PLXND1: variants seen among roughly 807,000 people sequenced by gnomAD.
The protein encoded by PLXND1 is plexin D1.
In PLXND1, 54 loss-of-function variants were observed where a neutral mutation model predicts 197.7. The observed-to-expected ratio is 0.27, with a 90% CI of 0.22 to 0.34. PLXND1 has a LOEUF of 0.34. Ranked by LOEUF, PLXND1 falls within the 10% of genes least tolerant of loss-of-function variation. PLXND1 has a pLI of 1.00. For missense variants in PLXND1, 2,127 were observed against 2,699.2 expected (o/e 0.79, Z 4.70); for synonymous variants, 1,180 against 1,161.2 (o/e 1.02, Z -0.33).
In PLXND1 at chr3:129,556,070, ACCAGCTCTCTGG is replaced by A; in HGVS notation, c.*230_*241del. The A allele has an allele frequency of 2.0e-6, 1 of 504,200 alleles. No individual in the cohort carries two copies. Among genetic ancestry groups the A allele is most frequent in the Non-Finnish European group, 3.6e-6 (1 of 277,908 alleles). 31.2% of individuals were successfully genotyped at this position (504,200 alleles called of 1,614,324 possible). ...CGTGCTGGGCAGATGGGGGAGCCTG[ACCAGCTCTCTGG>A]CCTCCATCCCAGAGACTGATCTGGG... is the stretch of plus-strand genomic sequence containing the variant. On this transcript the variant is annotated 3_prime_UTR_variant, in exon 36 of 36. Transcript: ENST00000324093.
At chr3:129,601,273 G>A (rs2085703991) in intron 1 of PLXND1, among the ~76,000 whole-genome samples, 1 of 152,198 alleles carries the variant, frequency 6.6e-6, no homozygotes, top group Non-Finnish European at 1.5e-5. Context: ...GGGCTGCGGG[G>A]ACCGAGGTTC....
rs141599469 is a variant in PLXND1, at chr3:129,584,419, C to T, written c.1995G>A (p.Pro665=). ...GHQIAYCNLL[P]RDQFPPFPPN... The stretch of plus-strand genomic sequence containing the variant: ...GGGGGAAGGGCGGAAACTGGTCCCT[C>T]GGCAGGAGGTTGCAGTAGGCAATCT... The change falls in exon 6 of 36, where the codon CCG becomes CCA. Residue 665 remains proline (P), a synonymous_variant. Transcript: ENST00000324093. The T allele has an allele frequency of 1.1e-4, 183 of 1,613,106 alleles. No individual in the cohort carries two copies. Among genetic ancestry groups the T allele is most frequent in the Middle Eastern group, 1.6e-4 (1 of 6,084 alleles).
At chr3:129,603,516 C>T (rs900190707) in intron 1 of PLXND1, among the ~76,000 whole-genome samples, 2 of 152,208 alleles carry the variant, frequency 1.3e-5, no homozygotes, top group African/African-American at 4.8e-5. Flanking sequence ...CTGAGACCCC[C>T]AGTGCCAAAC....
chr3:129,585,560 C>T (rs561248109), intron 5 of PLXND1, among the ~76,000 whole-genome samples: 1 of 152,344 alleles, frequency 6.6e-6, no homozygotes, highest in Non-Finnish European at 1.5e-5. Context: ...ACTCACTGTC[C>T]TCCAAGCCTC....
In PLXND1 at chr3:129,573,643, C is replaced by T; in HGVS notation, c.2788G>A (p.Gly930Ser). Residue 930 changes from glycine to serine, a missense_variant, in exon 13 of 36, where the codon GGT becomes AGT. Coordinates refer to ENST00000324093, the MANE Select transcript of PLXND1 (RefSeq NM_015103.3). ...GGCAGTGGCTCACAGGCCACACCAC[C>T]AATCCACACGCCGTGGGCCACGTCA... ...LSDVAHGVWI[G>S]GVACEPLPDR... 6.2e-7 allele frequency: 1 copy of T among 1,613,594 alleles called. No homozygotes were observed. Among genetic ancestry groups the T allele is most frequent in the East Asian group, 2.2e-5 (1 of 44,864 alleles).
rs1328121954 is a variant in PLXND1 at position 129,575,471 on chromosome 3, G to A, written c.2528C>T (p.Thr843Ile). Residue 843 changes from threonine to isoleucine, a missense_variant and splice_region_variant, in exon 11 of 36, where the codon ACA (threonine) becomes ATA (isoleucine). By Grantham distance (89) the Thr-to-Ile change is moderately conservative. Around this residue, in one of 6 missense-constraint regions of PLXND1, gnomAD observed 1,095 missense variants for 1,259.8 expected, o/e 0.87. Coordinates refer to ENST00000324093, the MANE Select transcript of PLXND1 (RefSeq NM_015103.3). ...ARFLDSPEPMTVMVYNCAMGS... is the reference protein window; with the variant it reads ...ARFLDSPEPMIVMVYNCAMGS... ...GTGGGGCGGGTGGGGGTGCCCACCT[G>A]TCATGGGCTCAGGGCTGTCCAGGAA... is the stretch of plus-strand genomic sequence containing the variant. 1.3e-6 allele frequency: 2 copies of A among 1,549,146 alleles called. No individual in the cohort carries two copies. Among genetic ancestry groups the A allele is most frequent in the South Asian group, 1.2e-5 (1 of 84,044 alleles).
rs761870212 is a variant in PLXND1 at position 129,573,676 on chromosome 3, G to A, written c.2755C>T (p.Arg919Trp). ...LTIRGRNLGRRLSDVAHGVWI... is the reference protein window; with the variant it reads ...LTIRGRNLGRWLSDVAHGVWI... Reference sequence around the variant, plus strand: ...ACGCCGTGGGCCACGTCACTGAGCCGCCGGCCCAGGTTCCTTCCTCGGATG... The same window carrying A: ...ACGCCGTGGGCCACGTCACTGAGCCACCGGCCCAGGTTCCTTCCTCGGATG... Residue 919 changes from arginine (R) to tryptophan (W), a missense_variant, in exon 13 of 36, where the codon CGG (arginine) becomes TGG (tryptophan). Transcript: ENST00000324093. 3.3e-5 allele frequency: 53 copies of A among 1,613,506 alleles called. No homozygotes were observed. In the East Asian group the frequency reaches 7.6e-4, roughly 23 times the overall value.
At chr3:129,605,284 CCCGCCGCCGCCGCCGCCGCCGCCG>C in intron 1 of PLXND1, 21 bp downstream of exon 1, 2 of 783,840 alleles carry the variant, frequency 2.6e-6, no homozygotes, top group Non-Finnish European at 3.4e-6. Context: ...CGCCCCCGCC[CCCGCCGCCGCCGCCGCCGCCGCCG>C]CCGCCACCGC....
chr3:129,590,490 C>T (rs963173170), intron 1 of PLXND1, among the ~76,000 whole-genome samples: 1 of 152,144 alleles, frequency 6.6e-6, no homozygotes, highest in Admixed American at 6.5e-5. Flanking sequence ...AAAGGGGACA[C>T]ACACATGTGT....
Position 129,572,868 on chromosome 3 carries a change from T to C in PLXND1, c.2911A>G (p.Lys971Glu). The C allele has an allele frequency of 1.2e-6, 2 of 1,613,828 alleles. No individual in the cohort carries two copies. The highest frequency in any genetic ancestry group is 1.7e-6 in the Non-Finnish European group (2 of 1,179,876). ...ACGTAGGAGAAGCGGTCCCGGGACT[T>C]GCCCTCCTTAGAGGCGTTCACGGTC... is the stretch of plus-strand genomic sequence containing the variant. Reference protein sequence around the residue: ...VVTVNASKEGKSRDRFSYVLP... With the variant: ...VVTVNASKEGESRDRFSYVLP... The change falls in exon 14 of 36, where the codon AAG (lysine) becomes GAG (glutamate). Residue 971 changes from lysine to glutamate, a missense_variant. Transcript: ENST00000324093.
At position 129,576,233 on chromosome 3, in the gene PLXND1, C is replaced by T. The variant is rs189162065; in HGVS notation, c.2347-378G>A. Among the ~76,000 whole-genome samples, 6 of 152,342 alleles carry T rather than the reference C, an allele frequency of 3.9e-5. No homozygotes were observed. In the East Asian group the frequency reaches 9.6e-4, roughly 24 times the overall value. On this transcript the variant is annotated intron_variant, in intron 9 of 35. Coordinates refer to ENST00000324093, the MANE Select transcript of PLXND1 (RefSeq NM_015103.3). Reference sequence around the variant, plus strand: ...CCTGCCCTACCAGGCCCTGCTCAGACGTGCCCCAACGCCCAACACGGCCAG... The same window carrying T: ...CCTGCCCTACCAGGCCCTGCTCAGATGTGCCCCAACGCCCAACACGGCCAG...
rs1468438894 is a variant in PLXND1 at position 129,605,656 on chromosome 3, G to A, written c.984C>T (p.Gly328=). The change falls in exon 1 of 36, where the codon GGC becomes GGT. Residue 328 remains glycine, a synonymous_variant. Coordinates refer to ENST00000324093, the MANE Select transcript of PLXND1 (RefSeq NM_015103.3). The stretch of plus-strand genomic sequence containing the variant: ...ACTCGGTGAGCTTCTTGGCGTCGCC[G>A]CCGGCGCCGTGGGGCAGGCAGATGC... ...LARICLPHGA[G]GDAKKLTESY... is the part of the protein sequence containing the mutation. 6.5e-7 allele frequency: 1 copy of A among 1,536,472 alleles called. No homozygotes were observed. The highest frequency in any genetic ancestry group is 1.4e-5 in the African/African-American group (1 of 72,716).
chr3:129,563,101 T>C lies in PLXND1; in HGVS notation c.4661A>G (p.Lys1554Arg). The C allele has an allele frequency of 6.8e-6, 11 of 1,613,598 alleles. No homozygotes were observed. The highest frequency in any genetic ancestry group is 1.1e-5 in the South Asian group (1 of 91,070). Residue 1554 changes from lysine to arginine, a missense_variant, in exon 26 of 36, where the codon AAG becomes AGG. By Grantham distance (26) the Lys-to-Arg change is conservative. Around this residue, in one of 6 missense-constraint regions of PLXND1, gnomAD observed 532 missense variants for 811.0 expected, o/e 0.66. Transcript: ENST00000324093. ...CCCGCCCTGCCGACTTACCCGGGGCTTGGCCTCGATGTTCTCCCGCAGCAG... is the reference window on the plus strand; with the variant it reads ...CCCGCCCTGCCGACTTACCCGGGGCCTGGCCTCGATGTTCTCCCGCAGCAG... ...EWLLRENIEA[K>R]PRNLNVSFQG...
chr3:129,566,596 G>A lies in PLXND1; in HGVS notation c.4122C>T (p.Pro1374=), dbSNP rs1467471181. The change falls in exon 23 of 36, where the codon CCC becomes CCT. Residue 1374 remains proline (P), a synonymous_variant. Transcript: ENST00000324093. ...SSLYEERYVL[P]SQTLNSQGSS... is the part of the protein sequence containing the mutation. ...TGCCCTGGGAGTTGAGGGTCTGGGAGGGCAGCACGTAACGCTCTTCATAAA... is the reference window on the plus strand; with the variant it reads ...TGCCCTGGGAGTTGAGGGTCTGGGAAGGCAGCACGTAACGCTCTTCATAAA... The A allele has an allele frequency of 6.2e-7, 1 of 1,612,810 alleles. No homozygotes were observed. The highest frequency in any genetic ancestry group is 1.7e-5 in the Admixed American group (1 of 59,968).
chr3:129,605,261 T>TTCCCCCCC, intron 1 of PLXND1, 68 bp downstream of exon 1: 1 of 493,838 alleles, frequency 2.0e-6, no homozygotes. Context: ...CCCGCTCGGT[T>TTCCCCCCC]CCCGCCCGCC....
chr3:129,578,814 C>T (rs2085349640), intron 8 of PLXND1, among the ~76,000 whole-genome samples: 1 of 152,194 alleles, frequency 6.6e-6, no homozygotes, highest in Admixed American at 6.5e-5. Flanking sequence ...GGGCTGCACC[C>T]ACTCCCTGAG....
At chr3:129,596,422 T>C (rs561393956) in intron 1 of PLXND1, among the ~76,000 whole-genome samples, 1 of 152,156 alleles carries the variant, frequency 6.6e-6, no homozygotes, top group Non-Finnish European at 1.5e-5. Context: ...TCCCCCTTCA[T>C]GAAGCTGTTT....
Position 129,573,755 on chromosome 3 carries a change from G to T in PLXND1, c.2686-10C>A, listed in dbSNP as rs2108778010. ...CACTCAGGGGCTCAATCTGCCAGGT[G>T]ACCCGAGAGAGGGGCGAATGGGATC... On this transcript the variant is annotated splice_polypyrimidine_tract_variant and intron_variant, in intron 12 of 35. Coordinates refer to ENST00000324093, the MANE Select transcript of PLXND1 (RefSeq NM_015103.3). 2 of 1,612,114 alleles carry T rather than the reference G, an allele frequency of 1.2e-6. No individual in the cohort carries two copies. Among genetic ancestry groups the T allele is most frequent in the East Asian group, 4.5e-5 (2 of 44,846 alleles).
chr3:129,567,608 G>T lies in PLXND1; in HGVS notation c.3974-4C>A, dbSNP rs2085160251. The T allele has an allele frequency of 1.2e-6, 2 of 1,607,508 alleles. No homozygotes were observed. Among genetic ancestry groups the T allele is most frequent in the Non-Finnish European group, 1.7e-6 (2 of 1,174,864 alleles). The stretch of plus-strand genomic sequence containing the variant: ...TCTGTCTGCAGCTCAGCGAAGCCTG[G>T]CGGACACACGGACAGCCGTGAGCGG... On this transcript the variant is annotated splice_polypyrimidine_tract_variant and splice_region_variant and intron_variant, in intron 21 of 35. Transcript: ENST00000324093.
Sources: allele counts gnomAD v4.1 joint callset (sites outside exome capture counted in the v4.1 genomes callset), GRCh38; gene constraint gnomAD v4.1.1; regional missense constraint gnomAD v4.1.1; transcripts MANE v1.5; gene names NCBI Gene and HGNC (gene_info 2026-07-23, HGNC 2026-07-21).